SLC12A1: variants seen among roughly 807,000 people sequenced by gnomAD.
The protein encoded by SLC12A1 is solute carrier family 12 member 1.
Under a neutral mutation model 130.4 loss-of-function variants are expected in SLC12A1, and 89 were observed. That is an observed-to-expected ratio of 0.68 (90% CI 0.58 to 0.81). The LOEUF is 0.81. SLC12A1 is among the 40% of genes least tolerant of loss of function. SLC12A1 has a pLI of 0.00. For synonymous variants in SLC12A1, 499 were observed against 460.0 expected, an observed-to-expected ratio of 1.08 and a Z score of -1.09; for missense variants, 1,310 against 1,336.4, an observed-to-expected ratio of 0.98 and a Z score of 0.31.
intron 7 of SLC12A1, among the ~76,000 whole-genome samples, chr15:48,231,909 G>A (rs2041384409): frequency 6.6e-6 from 1 of 152,150 alleles, no homozygotes; most frequent in South Asian, 2.1e-4. Context: ...TACTCAGGAG[G>A]CTGAGGCAGG....
chr15:48,290,200 C>T (rs2042104708), intron 23 of SLC12A1, among the ~76,000 whole-genome samples: 1 of 150,616 alleles, frequency 6.6e-6, no homozygotes, highest in Non-Finnish European at 1.5e-5. Flanking sequence ...GTAGGTCTAT[C>T]CAGGGTCAGG....
intron 2 of SLC12A1, among the ~76,000 whole-genome samples, chr15:48,217,312 C>T (rs2041135448): frequency 6.6e-6 from 1 of 151,944 alleles, no homozygotes; most frequent in Non-Finnish European, 1.5e-5. Flanking sequence ...TTTCTTTTTC[C>T]TTTTTAAAAA....
At chr15:48,233,820 T>C (rs2041407683) in intron 8 of SLC12A1, among the ~76,000 whole-genome samples, 1 of 152,154 alleles carries the variant, frequency 6.6e-6, no homozygotes, top group African/African-American at 2.4e-5. Context: ...ATTCCTACCA[T>C]ATTTTTTCTT....
intron 4 of SLC12A1, chr15:48,221,477 G>C: frequency 1.5e-6 from 1 of 668,142 alleles, no homozygotes; most frequent in Non-Finnish European, 2.7e-6. Flanking sequence ...TTACTTTCGG[G>C]TACCAGCAGT....
intron 2 of SLC12A1, among the ~76,000 whole-genome samples, chr15:48,218,780 G>A (rs1045056195): frequency 5.9e-5 from 9 of 152,090 alleles, no homozygotes; most frequent in Non-Finnish European, 1.0e-4. Context: ...ATCTTTCCTA[G>A]AAAAGAAAAC....
rs148122343 is a variant in SLC12A1, at chr15:48,249,227, T to C, written c.1685-348T>C. Among the ~76,000 whole-genome samples, 842 of 152,176 alleles carry C rather than the reference T, an allele frequency of 5.5e-3. 6 individuals are homozygous for C. Among genetic ancestry groups the C allele is most frequent in the Non-Finnish European group, 8.6e-3 (586 of 67,998 alleles). ...ACTAATATCCTGCAGAGCCTACTTATTGCATACATAACAGTTATAGAACAC... is the reference window on the plus strand; with the variant it reads ...ACTAATATCCTGCAGAGCCTACTTACTGCATACATAACAGTTATAGAACAC... On this transcript the variant is annotated intron_variant, in intron 13 of 26. Transcript: ENST00000380993.
intron 21 of SLC12A1, among the ~76,000 whole-genome samples, chr15:48,286,721 A>AATGTTATAT (rs2042063933): frequency 6.6e-6 from 1 of 152,232 alleles, no homozygotes; most frequent in Non-Finnish European, 1.5e-5. Flanking sequence ...GAAAAGTAAT[A>AATGTTATAT]ATGTTATATA....
intron 11 of SLC12A1, among the ~76,000 whole-genome samples, chr15:48,245,630 T>G (rs573211907): frequency 2.1e-4 from 32 of 152,366 alleles, no homozygotes; most frequent in Admixed American, 9.8e-4. Context: ...TAGTATTGCA[T>G]GGTGTATGTG....
In SLC12A1 at chr15:48,302,890, T is replaced by G. The variant is rs111502153; in HGVS notation, c.*5T>G. The G allele has an allele frequency of 1.2e-4, 184 of 1,597,646 alleles. No individual in the cohort carries two copies. In the African/African-American group the frequency reaches 2.2e-3, roughly 19 times the overall value. ...GTCTTGACATTTTACTCTTAAAACA[T>G]GAAAGATTGGAATACATTTTAACTT... On this transcript the variant is annotated 3_prime_UTR_variant, in exon 27 of 27. Transcript: ENST00000380993.
At chr15:48,300,083 G>A (rs1597464198) in intron 25 of SLC12A1, among the ~76,000 whole-genome samples, 1 of 152,170 alleles carries the variant, frequency 6.6e-6, no homozygotes, top group African/African-American at 2.4e-5. Context: ...TGTAATCCCA[G>A]AACTTTGGGA....
At chr15:48,253,279 C>T (rs1202088317) in intron 15 of SLC12A1, among the ~76,000 whole-genome samples, 1 of 152,210 alleles carries the variant, frequency 6.6e-6, no homozygotes, top group East Asian at 1.9e-4. Context: ...AGTGCTGTAA[C>T]CGTCATCAAG....
At chr15:48,253,993 T>C (rs1374759128) in intron 15 of SLC12A1, among the ~76,000 whole-genome samples, 1 of 152,214 alleles carries the variant, frequency 6.6e-6, no homozygotes, top group Non-Finnish European at 1.5e-5. Flanking sequence ...TTTTTAGTTG[T>C]TTTATTATTA....
intron 9 of SLC12A1, chr15:48,237,044 A>G (rs1477301652): frequency 1.4e-6 from 1 of 702,404 alleles, no homozygotes; most frequent in Non-Finnish European, 2.6e-6. Flanking sequence ...TCGAAGGAGG[A>G]GACAGACTTC....
At chr15:48,275,197 C>T (rs1247908720) in intron 20 of SLC12A1, among the ~76,000 whole-genome samples, 1 of 152,166 alleles carries the variant, frequency 6.6e-6, no homozygotes, top group Non-Finnish European at 1.5e-5. Flanking sequence ...TTTAAACATA[C>T]TCTTTTGTGT....
chr15:48,239,600 T>A (rs1353069898), intron 9 of SLC12A1, among the ~76,000 whole-genome samples: 1 of 152,078 alleles, frequency 6.6e-6, no homozygotes, highest in Non-Finnish European at 1.5e-5. Context: ...TTAAGCCATT[T>A]GAGAGCTTGT....
chr15:48,270,686 T>C (rs2041883770), intron 19 of SLC12A1, among the ~76,000 whole-genome samples: 1 of 114,104 alleles, frequency 8.8e-6, no homozygotes, highest in African/African-American at 3.8e-5. Flanking sequence ...ATATATTATT[T>C]ATATATATAC....
chr15:48,237,007 T>C (rs2041447460), intron 9 of SLC12A1: 1 of 702,502 alleles, frequency 1.4e-6, no homozygotes, highest in Admixed American at 2.0e-5. Flanking sequence ...AACAAGGAGC[T>C]TCACCTCTCC....
intron 21 of SLC12A1, among the ~76,000 whole-genome samples, chr15:48,285,670 C>G (rs2042049026): frequency 6.6e-6 from 1 of 152,172 alleles, no homozygotes. Context: ...CGGTATCCAG[C>G]TGGAACGCTG....
chr15:48,274,553 C>G lies in SLC12A1; in HGVS notation c.2403-18C>G. The G allele has an allele frequency of 6.3e-7, 1 of 1,588,018 alleles. No homozygotes were observed. Among genetic ancestry groups the G allele is most frequent in the Non-Finnish European group, 8.6e-7 (1 of 1,158,378 alleles). ...AAAGAGCCATTTAAAACGCTGACTGCTTTGCTTCCTCTTTCAGTGATGCAT... is the reference window on the plus strand; with the variant it reads ...AAAGAGCCATTTAAAACGCTGACTGGTTTGCTTCCTCTTTCAGTGATGCAT... On this transcript the variant is annotated intron_variant, in intron 19 of 26. Coordinates refer to ENST00000380993, the MANE Select transcript of SLC12A1 (RefSeq NM_000338.3).
Sources: gnomAD v4.1 joint callset for allele counts (sites outside exome capture counted in the v4.1 genomes callset) on GRCh38, gnomAD v4.1.1 for gene constraint, MANE v1.5 for transcripts, NCBI Gene and HGNC (gene_info 2026-07-23, HGNC 2026-07-21) for gene names.